The following GRAMD4 variants were observed in gnomAD, a reference collection of about 807,000 sequenced individuals.
GRAMD4 encodes the protein GRAM domain containing 4.
In GRAMD4, 25 loss-of-function variants were observed where a neutral mutation model predicts 83.9. That is an observed-to-expected ratio of 0.30 (90% CI 0.22 to 0.42). The LOEUF (loss-of-function observed/expected upper bound fraction) is 0.42. Ranked by LOEUF, GRAMD4 falls within the 10% of genes least tolerant of loss-of-function variation. GRAMD4 has a pLI of 1.00. For missense variants in GRAMD4, 593 were observed against 788.7 expected (o/e 0.75, Z 2.97); for synonymous variants, 336 against 320.9 (o/e 1.05, Z -0.50).
intron 1 of GRAMD4, among the ~76,000 whole-genome samples, chr22:46,610,146 C>T (rs756312178): frequency 2.6e-5 from 4 of 152,208 alleles, no homozygotes; most frequent in African/African-American, 4.8e-5. Flanking sequence ...CCAGGGACCA[C>T]GCCTTATTCC....
intron 1 of GRAMD4, among the ~76,000 whole-genome samples, chr22:46,624,351 T>TTTATTATAAG (rs2081623019): frequency 7.0e-6 from 1 of 142,186 alleles, no homozygotes; most frequent in African/African-American, 2.6e-5. Context: ...TTTTTTTTTC[T>TTTATTATAAG]GAGACGGAGT....
intron 18 of GRAMD4, 135 bp downstream of exon 18, chr22:46,676,803 C>T: frequency 1.3e-6 from 1 of 794,706 alleles, no homozygotes; most frequent in South Asian, 1.6e-5. Context: ...CGCCCCCTCC[C>T]TCGCAGCAGC....
In GRAMD4 at chr22:46,674,517, G is replaced by T. The variant is rs575090387; in HGVS notation, c.1385-140G>T. Reference sequence around the variant, plus strand: ...GGGGCCACCTCACTCTTGCCGGCGCGCCTTCCTCTCACTGTGGGTGTGACG... The same window carrying T: ...GGGGCCACCTCACTCTTGCCGGCGCTCCTTCCTCTCACTGTGGGTGTGACG... On this transcript the variant is annotated intron_variant, in intron 15 of 18. Coordinates refer to ENST00000406902, the MANE Select transcript of GRAMD4 (RefSeq NM_015124.5). 2.4e-4 allele frequency: 171 copies of T among 710,010 alleles called. 1 individual carries two copies. The highest frequency in any genetic ancestry group is 1.0e-3 in the South Asian group (67 of 64,576). 44.0% of individuals were successfully genotyped at this position (710,010 alleles called of 1,614,324 possible). A position where few individuals can be genotyped will look rare whatever the true frequency, so the allele number is the denominator to read the frequency against.
chr22:46,672,982 C>T lies in GRAMD4; in HGVS notation c.1224C>T (p.Ala408=), dbSNP rs765285011. The T allele has an allele frequency of 3.4e-5, 55 of 1,599,890 alleles. No individual in the cohort carries two copies. Among genetic ancestry groups the T allele is most frequent in the Admixed American group, 6.8e-5 (4 of 59,112 alleles). The change falls in exon 14 of 19, where the codon GCC becomes GCT. Residue 408 remains alanine (A), a synonymous_variant. Coordinates refer to ENST00000406902, the MANE Select transcript of GRAMD4 (RefSeq NM_015124.5). The surrounding 1 kb of genome is among the most constrained non-coding windows in gnomAD (Gnocchi z 4.7). ...CGCAGCTCAAGGAGCGCTCCAGCGC[C>T]GCAGTCTCACGCAGGGTGAGCCCGG... The part of the protein sequence containing the change: ...TDPQLKERSS[A]AVSRRLQTTS...
chr22:46,610,872 A>G (rs190114069), intron 1 of GRAMD4, among the ~76,000 whole-genome samples: 148 of 152,256 alleles, frequency 9.7e-4, no homozygotes, highest in African/African-American at 3.2e-3. Context: ...TTGCTTGCCT[A>G]CCTGTGCCTA....
At position 46,678,592 on chromosome 22, in the gene GRAMD4, C is replaced by T; in HGVS notation, c.*1341C>T. 1.0e-6 allele frequency: 1 copy of T among 985,508 alleles called. No individual in the cohort carries two copies. Among genetic ancestry groups the T allele is most frequent in the Non-Finnish European group, 1.2e-6 (1 of 829,954 alleles). The allele number at this position is 985,508 out of a possible 1,614,324, so 61.0% of individuals were successfully genotyped here. A position where few individuals can be genotyped will look rare whatever the true frequency, so the allele number is the denominator to read the frequency against. On this transcript the variant is annotated 3_prime_UTR_variant, in exon 19 of 19. Transcript: ENST00000406902. ...TCTGCTGGGGCGGATCCCGCAGCTC[C>T]CTCAGCTTGTCCTGAGTCCCTTGGG...
chr22:46,647,141 G>T (rs1023521013), intron 3 of GRAMD4, among the ~76,000 whole-genome samples: 2 of 152,150 alleles, frequency 1.3e-5, no homozygotes, highest in Non-Finnish European at 2.9e-5. Flanking sequence ...GTCTGGTTCT[G>T]CCCTAGAGTG....
chr22:46,673,825 C>G lies in GRAMD4; in HGVS notation c.1384+11C>G. On this transcript the variant is annotated intron_variant, in intron 15 of 18. Coordinates refer to ENST00000406902, the MANE Select transcript of GRAMD4 (RefSeq NM_015124.5). ...AGCGTCCGCTGGCGGGTATGTGTGC[C>G]GTGAGTCTGAGGCCAGGCCGAGCGC... The G allele has an allele frequency of 2.5e-6, 4 of 1,612,414 alleles. No homozygotes were observed. Among genetic ancestry groups the G allele is most frequent in the South Asian group, 1.1e-5 (1 of 91,042 alleles).
At chr22:46,615,506 CCT>C (rs2081470003), upstream of GRAMD4, among the ~76,000 whole-genome samples, 1 of 147,532 alleles carries the variant, frequency 6.8e-6, no homozygotes, top group African/African-American at 2.5e-5. Flanking sequence ...TGCGGGTTCC[CCT>C]GTGTGTGCAG....
At chr22:46,682,528 C>A, downstream of GRAMD4, 1 of 722,052 alleles carries the variant, frequency 1.4e-6, no homozygotes. Flanking sequence ...CTCGGGACTG[C>A]GACGAGGGCG....
upstream of GRAMD4, among the ~76,000 whole-genome samples, chr22:46,617,354 G>T (rs1242765568): frequency 6.7e-6 from 1 of 150,172 alleles, no homozygotes; most frequent in Non-Finnish European, 1.5e-5. Context: ...CCGTGTGTAG[G>T]TTCTCCCATG....
Position 46,584,668 on chromosome 22 carries a change from C to T in GRAMD4, c.-50+7378C>T, listed in dbSNP as rs139406231. 2.4e-3 allele frequency among the ~76,000 whole-genome samples: 366 copies of T among 152,274 alleles called. 3 individuals carry two copies. Among genetic ancestry groups the T allele is most frequent in the African/African-American group, 8.3e-3 (343 of 41,566 alleles). ...CCGGGCTCCCGGTATGCTGCCGCAG[C>T]ATGGCTGGCTGGGGCTGGGGAGGGG... On this transcript the variant is annotated intron_variant, in intron 1 of 1. Transcript: ENST00000431155.
Position 46,626,965 on chromosome 22 carries a change from AG to A in GRAMD4, c.162+5del. ...CAGCGAGGAGCTGAGGGACCCTGTG[AG>A]TACCTGTCCTCGTCCCCCGGTGTGG... On this transcript the variant is annotated splice_donor_5th_base_variant and intron_variant, in intron 2 of 18. Coordinates refer to ENST00000406902, the MANE Select transcript of GRAMD4 (RefSeq NM_015124.5). The A allele has an allele frequency of 6.2e-7, 1 of 1,607,218 alleles. No individual in the cohort carries two copies. The highest frequency in any genetic ancestry group is 1.1e-5 in the South Asian group (1 of 90,922).
At chr22:46,579,044 C>A (rs559775886) in intron 1 of GRAMD4, among the ~76,000 whole-genome samples, 1 of 152,338 alleles carries the variant, frequency 6.6e-6, no homozygotes, top group African/African-American at 2.4e-5. Context: ...TGCGGCTGTC[C>A]CAGCCATGCA....
chr22:46,673,983 TGAG>T (rs2147413495), intron 15 of GRAMD4, among the ~76,000 whole-genome samples, 169 bp downstream of exon 15: 1 of 152,262 alleles, frequency 6.6e-6, no homozygotes, highest in African/African-American at 2.4e-5. Context: ...CCAGGGGTCA[TGAG>T]GACTCTGCGG....
chr22:46,628,627 G>A (rs545412982), intron 2 of GRAMD4, among the ~76,000 whole-genome samples: 1 of 151,792 alleles, frequency 6.6e-6, no homozygotes, highest in East Asian at 1.9e-4. Flanking sequence ...GACTGAGTGT[G>A]TGCGTTGGTG....
intron 1 of GRAMD4, among the ~76,000 whole-genome samples, chr22:46,610,024 C>T (rs1341679442): frequency 6.6e-6 from 1 of 152,144 alleles, no homozygotes; most frequent in African/African-American, 2.4e-5. Flanking sequence ...GGGAGAAGCC[C>T]CCAGGCTACG....
chr22:46,680,389 G>A (rs1025243630), downstream of GRAMD4, among the ~76,000 whole-genome samples: 1 of 151,992 alleles, frequency 6.6e-6, no homozygotes, highest in African/African-American at 2.4e-5. Flanking sequence ...CTTGGAGGCA[G>A]AGACCTCCCC....
At chr22:46,600,413 G>A (rs575011414) in intron 1 of GRAMD4, among the ~76,000 whole-genome samples, 74 of 152,304 alleles carry the variant, frequency 4.9e-4, no homozygotes, top group Middle Eastern at 3.4e-3. Flanking sequence ...TTCTTCTGAC[G>A]TGGTGCTTTT....
Sources: allele counts gnomAD v4.1 joint callset (sites outside exome capture counted in the v4.1 genomes callset), GRCh38; gene constraint gnomAD v4.1.1; non-coding constraint Gnocchi (gnomAD v3.1); transcripts MANE v1.5; gene names NCBI Gene and HGNC (gene_info 2026-07-23, HGNC 2026-07-21).